The following TENM1 variants were observed in gnomAD, a reference collection of about 807,000 sequenced individuals.
The protein encoded by TENM1 is teneurin-1.
A neutral mutation model predicts 174.8 loss-of-function variants in TENM1; 35 were observed. The ratio of observed to expected loss-of-function variants is 0.20; its 90% confidence interval spans 0.15 to 0.27. TENM1 has a LOEUF of 0.27. Among genes scored for constraint, TENM1 ranks in the 10% least tolerant of loss-of-function variants. The pLI is 1.00. For missense variants in TENM1, 1,633 were observed against 2,130.1 expected (o/e 0.77, Z 4.59); for synonymous variants, 781 against 798.7 (o/e 0.98, Z 0.37).
intron 3 of TENM1, among the ~76,000 whole-genome samples, chrX:124,886,540 T>TAGAGAG (rs1241700826): frequency 8.8e-5 from 8 of 90,915 alleles, no homozygotes; most frequent in African/African-American, 3.4e-4. Context: ...TATATATATA[T>TAGAGAG]ATATATATAG....
chrX:124,463,877 G>GTGTGGA (rs781695591), intron 22 of TENM1, among the ~76,000 whole-genome samples: 1 of 96,883 alleles, frequency 1.0e-5, no homozygotes, highest in Non-Finnish European at 2.1e-5. Flanking sequence ...GTGTGTGTGT[G>GTGTGGA]GAGAGAGAGA....
At chrX:124,723,729 T>C (rs1246721821) in intron 4 of TENM1, among the ~76,000 whole-genome samples, 1 of 107,027 alleles carries the variant, frequency 9.3e-6, no homozygotes, top group Non-Finnish European at 1.9e-5. Flanking sequence ...GCCTCCGGAG[T>C]AGCTGGGAAT....
chrX:125,187,661 GA>G, the TENM1 span, among the ~76,000 whole-genome samples: 5 of 111,208 alleles, frequency 4.5e-5, no homozygotes, highest in African/African-American at 6.5e-5. Flanking sequence ...AGAGATGGGG[GA>G]AAGGGGACTA....
chrX:124,950,359 G>A (rs1255555112), intron 1 of TENM1, among the ~76,000 whole-genome samples: 1 of 111,716 alleles, frequency 9.0e-6, no homozygotes, highest in Non-Finnish European at 1.9e-5. Context: ...ATATTGCACT[G>A]TATCAAAGTA....
intron 5 of TENM1, among the ~76,000 whole-genome samples, chrX:124,694,635 G>A (rs769923768): frequency 8.9e-6 from 1 of 111,901 alleles, no homozygotes; most frequent in East Asian, 2.8e-4. Flanking sequence ...ACACATACCT[G>A]AACATTGTGT....
chrX:124,840,358 ATATTT>A (rs1444115223), intron 3 of TENM1, among the ~76,000 whole-genome samples: 41 of 111,938 alleles, frequency 3.7e-4, no homozygotes, highest in Non-Finnish European at 7.5e-4. Flanking sequence ...AGTATTGATT[ATATTT>A]TAAGATTGAT....
At chrX:124,639,904 C>T (rs1252374384) in intron 11 of TENM1, among the ~76,000 whole-genome samples, 1 of 110,189 alleles carries the variant, frequency 9.1e-6, no homozygotes, top group Non-Finnish European at 1.9e-5. Flanking sequence ...CTCATAATAC[C>T]CAGAAACTTT....
intron 23 of TENM1, among the ~76,000 whole-genome samples, chrX:124,425,702 T>C (rs908641052): frequency 8.9e-6 from 1 of 111,829 alleles, no homozygotes; most frequent in Non-Finnish European, 1.9e-5. Context: ...GACTAAAACA[T>C]TGGGTAATAG....
the TENM1 span, among the ~76,000 whole-genome samples, chrX:125,052,015 C>T: frequency 1.8e-5 from 2 of 110,955 alleles, no homozygotes; most frequent in South Asian, 7.6e-4. Context: ...ACAAACAACC[C>T]CATCAAAAAG....
At chrX:124,397,888 C>T (rs779857052) in intron 27 of TENM1, among the ~76,000 whole-genome samples, 2 of 108,533 alleles carry the variant, frequency 1.8e-5, no homozygotes, top group East Asian at 3.0e-4. Context: ...CCACCGTGCC[C>T]GGCCTCCTGC....
the TENM1 span, among the ~76,000 whole-genome samples, chrX:125,083,238 T>C: frequency 1.8e-5 from 2 of 111,564 alleles, no homozygotes; most frequent in East Asian, 5.7e-4. Flanking sequence ...CTGGAGTCTT[T>C]CCACAAAAAT....
chrX:124,583,346 G>A (rs1300714596), intron 11 of TENM1, among the ~76,000 whole-genome samples: 1 of 111,517 alleles, frequency 9.0e-6, no homozygotes, highest in Non-Finnish European at 1.9e-5. Flanking sequence ...AACTTCCAGA[G>A]GAATGATCAG....
chrX:124,453,332 C>T lies in TENM1; in HGVS notation c.4104+5G>A, dbSNP rs376363699. 6 of 1,196,574 alleles carry T rather than the reference C, an allele frequency of 5.0e-6. No homozygotes were observed. Among genetic ancestry groups the T allele is most frequent in the Non-Finnish European group, 6.7e-6 (6 of 889,520 alleles). ...CAATAATACTTGAAAACCAGTGATG[C>T]CTACCTGAGTGATGTCCATTCCTGA... On this transcript the variant is annotated splice_donor_5th_base_variant and intron_variant, in intron 23 of 31. Transcript: ENST00000422452.
the TENM1 span, among the ~76,000 whole-genome samples, chrX:125,075,387 C>G: frequency 9.0e-6 from 1 of 111,559 alleles, no homozygotes. Context: ...ATCCGTCCAT[C>G]AGTTGATGAA....
At chrX:125,029,642 T>C in the TENM1 span, among the ~76,000 whole-genome samples, 1 of 112,055 alleles carries the variant, frequency 8.9e-6, no homozygotes, top group Admixed American at 9.5e-5. Flanking sequence ...TACACTGCCC[T>C]GCTATTTTTA....
At chrX:124,610,735 T>C (rs1357520257) in intron 11 of TENM1, among the ~76,000 whole-genome samples, 1 of 111,548 alleles carries the variant, frequency 9.0e-6, no homozygotes, top group Non-Finnish European at 1.9e-5. Flanking sequence ...CTCCCCTTCG[T>C]AGAAACTTTG....
At chrX:124,422,588 T>G in exon 24 of TENM1, 1 of 1,210,629 alleles carries the variant, frequency 8.3e-7, no homozygotes, top group Non-Finnish European at 1.1e-6. Flanking sequence ...AGACATACAA[T>G]GAATTGTCCA....
At chrX:125,034,982 A>G in the TENM1 span, among the ~76,000 whole-genome samples, 1 of 111,985 alleles carries the variant, frequency 8.9e-6, no homozygotes, top group Non-Finnish European at 1.9e-5. Flanking sequence ...CTAAATAACT[A>G]ACAAATGGAA....
intron 4 of TENM1, among the ~76,000 whole-genome samples, chrX:124,722,821 C>G (rs1603069650): frequency 1.3e-5 from 1 of 78,144 alleles, no homozygotes; most frequent in Admixed American, 2.0e-4. Flanking sequence ...GCCTGGGCGA[C>G]AGAGAGAGAC....
Sources: allele counts gnomAD v4.1 joint callset (sites outside exome capture counted in the v4.1 genomes callset), GRCh38; gene constraint gnomAD v4.1.1; transcripts MANE v1.5; gene names NCBI Gene and HGNC (gene_info 2026-07-23, HGNC 2026-07-21).